The following OPA3 variants were observed in gnomAD, a reference collection of about 807,000 sequenced individuals.
OPA3 encodes the protein optic atrophy 3 protein.
Under a neutral mutation model 4.0 loss-of-function variants are expected in OPA3, and 6 were observed. The ratio of observed to expected loss-of-function variants is 1.51; its 90% CI spans 0.83 to 2.99. OPA3 has a LOEUF of 2.99. Among genes scored for constraint, OPA3 ranks in the 30% most tolerant of loss-of-function variants. The pLI is 0.00. For missense variants in OPA3, 235 were observed against 256.2 expected (o/e 0.92, Z 0.56); for synonymous variants, 105 against 117.1 (o/e 0.90, Z 0.67).
At chr19:45,579,999 TTC>T (rs1568411888) in intron 1 of OPA3, among the ~76,000 whole-genome samples, 2 of 102,062 alleles carry the variant, frequency 2.0e-5, no homozygotes, top group Admixed American at 1.8e-4. Flanking sequence ...CTTTTTTTTT[TTC>T]TTTTTTTTTT....
Position 45,549,409 on chromosome 19 carries a change from G to A in OPA3, c.*4105C>T, listed in dbSNP as rs369558782. On this transcript the variant is annotated 3_prime_UTR_variant, in exon 2 of 2. Transcript: ENST00000263275. ...TGAGTGCGAAGTCTCTGAGATGTGA[G>A]AGCAGCACTCCATCTGGGTCAGGAC... The A allele has an allele frequency of 2.0e-6, 2 of 985,322 alleles. No homozygotes were observed. The highest frequency in any genetic ancestry group is 1.1e-4 in the East Asian group (1 of 8,788). 61.0% of individuals were successfully genotyped at this position (985,322 alleles called of 1,614,324 possible). A position where few individuals can be genotyped will look rare whatever the true frequency, so the allele number is the denominator to read the frequency against.
chr19:45,555,354 G>A (rs993367100), intron 1 of OPA3, among the ~76,000 whole-genome samples: 12 of 152,150 alleles, frequency 7.9e-5, no homozygotes, highest in East Asian at 5.8e-4. Context: ...TATTATTTTC[G>A]AGACGGGGTC....
chr19:45,534,754 T>A (rs1420229472), intron 1 of OPA3, among the ~76,000 whole-genome samples: 1 of 151,474 alleles, frequency 6.6e-6, no homozygotes. Context: ...TGCCTCAGCC[T>A]CCCGAGTAGC....
downstream of OPA3, among the ~76,000 whole-genome samples, chr19:45,541,958 G>A (rs899818277): frequency 2.0e-5 from 3 of 152,182 alleles, no homozygotes; most frequent in African/African-American, 7.2e-5. Flanking sequence ...GTGGTAGGGG[G>A]TGGTACCCAT....
exon 2 of OPA3, chr19:45,528,442 G>A: frequency 6.5e-6 from 1 of 153,238 alleles, no homozygotes; most frequent in Middle Eastern, 3.3e-3. Context: ...GGAGCCGCAG[G>A]GTGGTGACTC....
downstream of OPA3, among the ~76,000 whole-genome samples, chr19:45,544,212 T>C (rs2122403692): frequency 6.6e-6 from 1 of 152,182 alleles, no homozygotes; most frequent in Middle Eastern, 3.4e-3. Flanking sequence ...TCGAGACAAA[T>C]GATCTAAGCC....
chr19:45,575,831 C>CT (rs1969758504), intron 1 of OPA3, among the ~76,000 whole-genome samples: 1 of 152,124 alleles, frequency 6.6e-6, no homozygotes, highest in African/African-American at 2.4e-5. Context: ...GTCTTGAACC[C>CT]CTGGGTTCAA....
chr19:45,538,730 A>T (rs563530202), intron 1 of OPA3, among the ~76,000 whole-genome samples: 15 of 152,224 alleles, frequency 9.9e-5, no homozygotes, highest in Admixed American at 9.2e-4. Flanking sequence ...CTCAAAAAAA[A>T]AAAAAAGAAA....
chr19:45,574,276 T>C (rs1281824598), intron 1 of OPA3, among the ~76,000 whole-genome samples: 1 of 151,408 alleles, frequency 6.6e-6, no homozygotes, highest in Admixed American at 6.6e-5. Context: ...GCGCCTGTAG[T>C]CCCAGCTACT....
rs1331023008 is a variant in OPA3, at chr19:45,559,205, T to A, written c.143-5294A>T. Among the ~76,000 whole-genome samples the A allele has an allele frequency of 7.9e-5, 12 of 151,626 alleles. No individual in the cohort carries two copies. In the South Asian group the frequency reaches 2.3e-3, roughly 29 times the overall value. On this transcript the variant is annotated intron_variant, in intron 1 of 1. Coordinates refer to ENST00000263275, the MANE Select transcript of OPA3 (RefSeq NM_025136.4). ...GGCCTAACTCCAACTTCATGAGAGA[T>A]CTTAACCTATAATTTTCCTTTTCTG...
chr19:45,557,432 G>A (rs1044752044), intron 1 of OPA3, among the ~76,000 whole-genome samples: 16 of 152,080 alleles, frequency 1.1e-4, no homozygotes, highest in African/African-American at 3.9e-4. Flanking sequence ...GAGGGGCCGG[G>A]ACAGGCTAAG....
chr19:45,528,804 G>A (rs1969023215), exon 2 of OPA3: 1 of 465,790 alleles, frequency 2.1e-6, no homozygotes, highest in Admixed American at 3.8e-5. Flanking sequence ...TGGCAGGGGC[G>A]GGGTGGGATA....
chr19:45,544,681 C>A (rs1460225378), downstream of OPA3, among the ~76,000 whole-genome samples: 1 of 152,152 alleles, frequency 6.6e-6, no homozygotes, highest in Non-Finnish European at 1.5e-5. Flanking sequence ...GTGATCCCAG[C>A]TACTCAGGAG....
intron 1 of OPA3, chr19:45,584,262 A>AC (rs879570660): frequency 1.7e-5 from 15 of 871,062 alleles, no homozygotes; most frequent in African/African-American, 1.8e-5. Flanking sequence ...CGGGCAAAGG[A>AC]CCCCGTCCGG....
At chr19:45,535,468 C>A (rs927092939) in intron 1 of OPA3, among the ~76,000 whole-genome samples, 1 of 150,016 alleles carries the variant, frequency 6.7e-6, no homozygotes, top group Non-Finnish European at 1.5e-5. Context: ...AGTGATCCAC[C>A]TACTTCAGCC....
rs1406399678 is a variant in OPA3, at chr19:45,553,686, C to G, written c.368G>C (p.Arg123Pro). The change falls in exon 2 of 2, where the codon CGG becomes CCG. Residue 123 changes from arginine to proline, a missense_variant. By Grantham distance (103) the Arg-to-Pro change is moderately radical. Coordinates refer to ENST00000263275, the MANE Select transcript of OPA3 (RefSeq NM_025136.4). ...EEQRAAWNAL[R>P]DEVGHLALAL... The stretch of plus-strand genomic sequence containing the variant: ...CAGCGCCAGGTGGCCCACCTCGTCC[C>G]GCAGCGCGTTCCAGGCAGCACGCTG... 1 of 1,605,802 alleles carries G rather than the reference C, an allele frequency of 6.2e-7. No homozygotes were observed. Among genetic ancestry groups the G allele is most frequent in the Admixed American group, 1.7e-5 (1 of 59,634 alleles).
At chr19:45,564,751 T>G (rs1433098) in intron 1 of OPA3, among the ~76,000 whole-genome samples, 44,978 of 151,996 alleles carry the variant, frequency 0.3, 7,103 homozygotes, top group Middle Eastern at 0.39. Flanking sequence ...ACACCAACTA[T>G]CTCTTTTTTA....
At chr19:45,553,955 T>A (rs1180227692) in intron 1 of OPA3, 44 bp from the exon 2 acceptor site, 3 of 1,525,786 alleles carry the variant, frequency 2.0e-6, no homozygotes, top group Non-Finnish European at 2.7e-6. Context: ...GGGAGCCCCC[T>A]GCAAGCCCCA....
intron 1 of OPA3, among the ~76,000 whole-genome samples, chr19:45,535,459 G>A (rs535216918): frequency 2.0e-5 from 3 of 147,246 alleles, no homozygotes; most frequent in African/African-American, 7.5e-5. Flanking sequence ...GCAGCCTCAA[G>A]TGATCCACCT....
Sources: gnomAD v4.1 joint callset for allele counts (sites outside exome capture counted in the v4.1 genomes callset) on GRCh38, gnomAD v4.1.1 for gene constraint, MANE v1.5 for transcripts, NCBI Gene and HGNC (gene_info 2026-07-23, HGNC 2026-07-21) for gene names.